GIT2: variants seen among roughly 807,000 people sequenced by gnomAD.
The protein encoded by GIT2 is ARF GTPase-activating protein GIT2.
In GIT2, 32 loss-of-function variants were observed where a neutral mutation model predicts 100.3. The ratio of observed to expected loss-of-function variants is 0.32; its 90% confidence interval spans 0.24 to 0.43. GIT2 has a LOEUF of 0.43. GIT2 is among the 20% of genes least tolerant of loss of function. The pLI, the probability that GIT2 is intolerant of heterozygous loss-of-function variation, is 1.00. For synonymous variants in GIT2, 353 were observed against 364.1 expected, an observed-to-expected ratio of 0.97 and a Z score of 0.35; for missense variants, 737 against 975.1, an observed-to-expected ratio of 0.76 and a Z score of 3.25.
rs1335719856 is a variant in GIT2 at position 109,989,793 on chromosome 12, T to C, written c.196A>G (p.Thr66Ala). 6.4e-7 allele frequency: 1 copy of C among 1,566,606 alleles called. No homozygotes were observed. The highest frequency in any genetic ancestry group is 1.4e-5 in the African/African-American group (1 of 73,990). The change falls in exon 3 of 20, where the codon ACC becomes GCC. Residue 66 changes from threonine (T) to alanine (A), a missense_variant. Transcript: ENST00000355312. Reference sequence around the variant, plus strand: ...GAGTTAGCACCGTTATTATACAAGGTCTCAACCATCTAAAACCAAGCAGGA... The same window carrying C: ...GAGTTAGCACCGTTATTATACAAGGCCTCAACCATCTAAAACCAAGCAGGA... Reference protein sequence around the residue: ...WPPTLLQMVETLYNNGANSIW... With the variant: ...WPPTLLQMVEALYNNGANSIW...
At chr12:109,994,963 C>T (rs964163077) in intron 1 of GIT2, among the ~76,000 whole-genome samples, 1 of 152,180 alleles carries the variant, frequency 6.6e-6, no homozygotes, top group African/African-American at 2.4e-5. Context: ...ACTGTACGGG[C>T]CATAAAACAA....
In GIT2 at chr12:109,989,758, C is replaced by G. The variant is rs764739299; in HGVS notation, c.231G>C (p.Glu77Asp). ...LYNNGANSIW[E>D]HSLLDPASIM... ...TAGACGCAGGGTCCAGCAAAGAATG[C>G]TCCCATATAGAGTTAGCACCGTTAT... The change falls in exon 3 of 20, where the codon GAG becomes GAC. Residue 77 changes from glutamate (E) to aspartate (D), a missense_variant. Coordinates refer to ENST00000355312, the MANE Select transcript of GIT2 (RefSeq NM_057169.5). 1.2e-6 allele frequency: 2 copies of G among 1,607,426 alleles called. No individual in the cohort carries two copies. Among genetic ancestry groups the G allele is most frequent in the South Asian group, 2.2e-5 (2 of 90,956 alleles).
At chr12:109,965,462 A>G in intron 9 of GIT2, 64 bp downstream of exon 9, 2 of 876,578 alleles carry the variant, frequency 2.3e-6, no homozygotes, top group Non-Finnish European at 3.7e-6. Context: ...CTGCATTCAG[A>G]GTAGGTATCA....
intron 12 of GIT2, chr12:109,953,863 A>G (rs1174049977): frequency 1.3e-5 from 2 of 152,230 alleles, no homozygotes; most frequent in Non-Finnish European, 2.9e-5. Flanking sequence ...GTTTCTAGAG[A>G]TAGAGCCTAG....
intron 12 of GIT2, chr12:109,954,591 G>A (rs1313853131): frequency 6.6e-6 from 1 of 152,028 alleles, no homozygotes; most frequent in Non-Finnish European, 1.5e-5. Flanking sequence ...GTGATGAATG[G>A]TGGTTATTTA....
At chr12:109,944,837 A>G (rs2136217144) in intron 16 of GIT2, among the ~76,000 whole-genome samples, 1 of 152,282 alleles carries the variant, frequency 6.6e-6, no homozygotes, top group African/African-American at 2.4e-5. Flanking sequence ...AAAAAAAAAA[A>G]AAAGGCATGA....
At chr12:109,950,435 C>T (rs1225826758) in intron 14 of GIT2, among the ~76,000 whole-genome samples, 3 of 152,176 alleles carry the variant, frequency 2.0e-5, no homozygotes, top group South Asian at 4.1e-4. Context: ...TGCAATTTTT[C>T]GAATTCCCTT....
Position 109,945,338 on chromosome 12 carries a change from A to G in GIT2, c.1653T>C (p.Ser551=), listed in dbSNP as rs572045769. ...LQPFPAHIGR[S]ALVTSSSSLP... The stretch of plus-strand genomic sequence containing the variant: ...GAGATGAAGAGGAGGTCACAAGTGC[A>G]CTCCTCCCGATCTGGAATGGGAAAG... The change falls in exon 16 of 20, where the codon AGT becomes AGC. Residue 551 remains serine (S), a synonymous_variant. Coordinates refer to ENST00000355312, the MANE Select transcript of GIT2 (RefSeq NM_057169.5). The G allele has an allele frequency of 6.1e-5, 93 of 1,512,730 alleles. 1 individual carries two copies. In the South Asian group the frequency reaches 1.0e-3, roughly 17 times the overall value. 93.7% of individuals were successfully genotyped at this position (1,512,730 alleles called of 1,614,324 possible).
At chr12:109,945,189 G>C (rs1224113880) in intron 16 of GIT2, 71 bp downstream of exon 16, 1 of 760,286 alleles carries the variant, frequency 1.3e-6, no homozygotes, top group African/African-American at 1.7e-5. Context: ...AGGAGGGCCA[G>C]AGCCCAAGCA....
At chr12:109,935,227 A>G (rs1289719045) in intron 18 of GIT2, among the ~76,000 whole-genome samples, 2 of 152,240 alleles carry the variant, frequency 1.3e-5, no homozygotes, top group African/African-American at 2.4e-5. Flanking sequence ...CAAAAATTCC[A>G]ACATATATGG....
At chr12:109,994,779 C>T (rs979073284) in intron 1 of GIT2, among the ~76,000 whole-genome samples, 1 of 152,150 alleles carries the variant, frequency 6.6e-6, no homozygotes, top group South Asian at 2.1e-4. Context: ...GAATCAAATA[C>T]ATCACGGTAA....
In GIT2 at chr12:109,989,057, G is replaced by T. The variant is rs112218265; in HGVS notation, c.311C>A (p.Ala104Glu). ...CTGATACTTGGCTCTGATGAATTCC[G>T]CTTTATTGGGACTGGTTCAAAAACA... is the stretch of plus-strand genomic sequence containing the variant. ...NPQDKVHPNKAEFIRAKYQML... is the reference protein window; with the variant it reads ...NPQDKVHPNKEEFIRAKYQML... Residue 104 changes from alanine to glutamate, a missense_variant, in exon 4 of 20, where the codon GCG becomes GAG. Physicochemically the swap from Ala to Glu is moderately radical, Grantham distance 107. Around this residue, in one of 3 missense-constraint regions of GIT2, gnomAD observed 266 missense variants for 376.2 expected, o/e 0.71. Transcript: ENST00000355312. 1.2e-6 allele frequency: 2 copies of T among 1,604,198 alleles called. No individual in the cohort carries two copies. The highest frequency in any genetic ancestry group is 2.2e-5 in the South Asian group (2 of 90,852).
intron 7 of GIT2, among the ~76,000 whole-genome samples, chr12:109,973,597 T>C (rs550962514): frequency 1.0e-3 from 152 of 152,162 alleles, no homozygotes; most frequent in Non-Finnish European, 1.7e-3. Context: ...TTTTCGCTAC[T>C]GTTTCCTTCT....
Position 109,948,204 on chromosome 12 carries a change from TTGATCTA to T in GIT2, c.1393-707_1393-701del. On this transcript the variant is annotated intron_variant, in intron 14 of 19. Transcript: ENST00000355312. The surrounding 1 kb of genome is among the most constrained non-coding windows in gnomAD (Gnocchi z 4.3). ...TATCACGAAGAAAACTGGAAACCTATTGATCTATGGAATTGACATCTTCGCATGGATG... is the reference window on the plus strand; with the variant it reads ...TATCACGAAGAAAACTGGAAACCTATTGGAATTGACATCTTCGCATGGATG... 1.0e-6 allele frequency: 1 copy of T among 985,042 alleles called. No individual in the cohort carries two copies. The highest frequency in any genetic ancestry group is 1.2e-6 in the Non-Finnish European group (1 of 829,520). The allele number at this position is 985,042 out of a possible 1,614,324, so 61.0% of individuals were successfully genotyped here.
chr12:109,996,578 G>A (rs897649035), upstream of GIT2, among the ~76,000 whole-genome samples: 2 of 152,208 alleles, frequency 1.3e-5, no homozygotes, highest in African/African-American at 4.8e-5. Context: ...AATATCTTGT[G>A]ATGAGAACCC....
rs754749139 is a variant in GIT2 at position 109,951,159 on chromosome 12, CAT to C, written c.1392+6_1392+7del. 1.9e-6 allele frequency: 3 copies of C among 1,611,232 alleles called. No individual in the cohort carries two copies. Among genetic ancestry groups the C allele is most frequent in the Non-Finnish European group, 2.5e-6 (3 of 1,177,376 alleles). On this transcript the variant is annotated splice_donor_region_variant and intron_variant, in intron 14 of 19. Transcript: ENST00000355312. ...CGTCAACCGTCCTGGCATTTATTAA[CAT>C]GTTACCTTTTTCTGCATAATTCTCA...
chr12:109,952,823 C>T (rs1433223698), intron 13 of GIT2: 1 of 527,890 alleles, frequency 1.9e-6, no homozygotes, highest in African/African-American at 1.9e-5. Context: ...AGGCCTCATT[C>T]AGGAGAGTAA....
chr12:109,937,137 G>A (rs1873264913), intron 18 of GIT2, among the ~76,000 whole-genome samples: 1 of 152,160 alleles, frequency 6.6e-6, no homozygotes, highest in African/African-American at 2.4e-5. Flanking sequence ...AGTCCCTCCA[G>A]AAGACTAACT....
Position 109,947,448 on chromosome 12 carries a change from T to C in GIT2, c.1449A>G (p.Val483=), listed in dbSNP as rs1380290697. 3 of 1,613,358 alleles carry C rather than the reference T, an allele frequency of 1.9e-6. No homozygotes were observed. The highest frequency in any genetic ancestry group is 2.7e-5 in the African/African-American group (2 of 74,920). ...SNLRKQATTN[V]YQVQTGSEYT... is the part of the protein sequence containing the mutation. Reference sequence around the variant, plus strand: ...ACTCAGAACCAGTTTGCACCTGATATACATTGGTTGTGGCCTGTTTCCTGA... The same window carrying C: ...ACTCAGAACCAGTTTGCACCTGATACACATTGGTTGTGGCCTGTTTCCTGA... Residue 483 remains valine (V), a synonymous_variant, in exon 15 of 20, where the codon GTA becomes GTG. Transcript: ENST00000355312. This position sits in a 1 kb window ranked among gnomAD's most constrained non-coding sequence, Gnocchi z 4.3.
Sources: gnomAD v4.1 joint callset for allele counts (sites outside exome capture counted in the v4.1 genomes callset) on GRCh38, gnomAD v4.1.1 for gene constraint, gnomAD v4.1.1 regional missense constraint, Gnocchi (gnomAD v3.1) non-coding constraint, MANE v1.5 for transcripts, NCBI Gene and HGNC (gene_info 2026-07-23, HGNC 2026-07-21) for gene names.